Variants in DACH1 observed in about 807,000 individuals in gnomAD.
DACH1 encodes the protein dachshund family transcription factor 1.
DACH1 carries 12 observed loss-of-function variants against 54.2 expected under a neutral mutation model. The ratio of observed to expected loss-of-function variants is 0.22; its 90% CI spans 0.14 to 0.36. DACH1 has a LOEUF of 0.36. Among genes scored for constraint, DACH1 ranks in the 10% least tolerant of loss-of-function variants. The probability of loss-of-function intolerance (pLI) is 1.00; values close to 1 mark genes in which losing one functional copy is unlikely to be tolerated. For synonymous variants in DACH1, 386 were observed against 366.2 expected (o/e 1.05, Z -0.62); for missense variants, 805 against 929.8 (o/e 0.87, Z 1.75).
chr13:71,756,244 A>C (rs144254685), intron 1 of DACH1, among the ~76,000 whole-genome samples: 497 of 151,610 alleles, frequency 3.3e-3, no homozygotes, highest in African/African-American at 0.011. Flanking sequence ...AGGTTCTCAC[A>C]GTGTTAGCCA....
chr13:71,792,511 T>C (rs906524189), intron 1 of DACH1, among the ~76,000 whole-genome samples: 17 of 152,160 alleles, frequency 1.1e-4, no homozygotes, highest in African/African-American at 4.1e-4. Context: ...AGACAATAAA[T>C]TCTGAAAATA....
intron 6 of DACH1, among the ~76,000 whole-genome samples, chr13:71,512,667 T>G (rs1443159555): frequency 4.0e-5 from 6 of 151,898 alleles, no homozygotes. Flanking sequence ...CATATCAAAC[T>G]CCTGTATGAA....
chr13:71,447,540 T>A (rs1874573387), intron 10 of DACH1, among the ~76,000 whole-genome samples: 1 of 152,260 alleles, frequency 6.6e-6, no homozygotes, highest in South Asian at 2.1e-4. Context: ...GTTTGTTTAA[T>A]GCCAATCATA....
At chr13:71,762,221 G>T (rs574117522) in intron 1 of DACH1, among the ~76,000 whole-genome samples, 1 of 152,024 alleles carries the variant, frequency 6.6e-6, no homozygotes, top group Non-Finnish European at 1.5e-5. Context: ...ACTCCCCCAT[G>T]CCAAGCCCAT....
intron 3 of DACH1, among the ~76,000 whole-genome samples, chr13:71,600,221 C>G (rs9919839): frequency 6.6e-6 from 1 of 152,020 alleles, no homozygotes; most frequent in African/African-American, 2.4e-5. Flanking sequence ...AAGACAGTAG[C>G]TTGCCCAAGG....
intron 2 of DACH1, among the ~76,000 whole-genome samples, chr13:71,667,132 A>T (rs1186800030): frequency 6.6e-6 from 1 of 152,194 alleles, no homozygotes; most frequent in Non-Finnish European, 1.5e-5. Context: ...CTGAGAAAAA[A>T]ACAGCAGCAC....
chr13:71,723,246 T>TAA (rs112775403), intron 1 of DACH1, among the ~76,000 whole-genome samples: 6 of 133,514 alleles, frequency 4.5e-5, no homozygotes, highest in Non-Finnish European at 3.4e-5. Context: ...CTACACAAAT[T>TAA]AAAAAAAAAA....
intron 1 of DACH1, among the ~76,000 whole-genome samples, chr13:71,698,355 A>T (rs2138742663): frequency 6.6e-6 from 1 of 152,306 alleles, no homozygotes; most frequent in East Asian, 1.9e-4. Context: ...CAAATATAAA[A>T]TATCATACTT....
chr13:71,669,647 G>A (rs1206246787), intron 2 of DACH1, among the ~76,000 whole-genome samples: 7 of 152,284 alleles, frequency 4.6e-5, no homozygotes, highest in South Asian at 2.1e-4. Flanking sequence ...TGCTGCATTC[G>A]CTTACTATGT....
intron 2 of DACH1, among the ~76,000 whole-genome samples, chr13:71,663,776 T>C (rs1471813018): frequency 6.6e-6 from 1 of 151,974 alleles, no homozygotes. Context: ...AGTTTTTCAG[T>C]TGTTTTAAAA....
At chr13:71,504,975 C>A (rs552752367) in intron 6 of DACH1, among the ~76,000 whole-genome samples, 1 of 152,172 alleles carries the variant, frequency 6.6e-6, no homozygotes, top group Non-Finnish European at 1.5e-5. Context: ...ACAATGAAAT[C>A]AATTAATCTC....
chr13:71,866,128 A>G lies in DACH1; in HGVS notation c.642T>C (p.Ala214=). The G allele has an allele frequency of 6.2e-7, 1 of 1,613,512 alleles. No homozygotes were observed. The highest frequency in any genetic ancestry group is 1.1e-5 in the South Asian group (1 of 91,018). Residue 214 remains alanine, a synonymous_variant, in exon 1 of 11, where the codon GCT becomes GCC. Coordinates refer to ENST00000613252, the MANE Select transcript of DACH1 (RefSeq NM_080759.6). ...CCAAGTGCTTCAGGAACAGGTCGAA[A>G]GCCTGGGGCAGGCAGATCAGCTCGC... The part of the protein sequence containing the change: ...EGCELICLPQ[A]FDLFLKHLVG...
At chr13:71,572,265 A>T (rs921143199) in intron 4 of DACH1, among the ~76,000 whole-genome samples, 2 of 152,166 alleles carry the variant, frequency 1.3e-5, no homozygotes, top group African/African-American at 4.8e-5. Context: ...ACACACACAG[A>T]TACACAGGGA....
At chr13:71,801,688 T>C (rs1887294033) in intron 1 of DACH1, among the ~76,000 whole-genome samples, 1 of 152,128 alleles carries the variant, frequency 6.6e-6, no homozygotes, top group Non-Finnish European at 1.5e-5. Flanking sequence ...GAGCTGCTAA[T>C]ATTTGAACAT....
At chr13:71,682,071 G>A (rs1344807729) in intron 1 of DACH1, among the ~76,000 whole-genome samples, 161 bp from the exon 2 acceptor site, 3 of 152,184 alleles carry the variant, frequency 2.0e-5, no homozygotes, top group Non-Finnish European at 4.4e-5. Context: ...TAGATTACAT[G>A]CTGAATTCAT....
intron 2 of DACH1, among the ~76,000 whole-genome samples, chr13:71,679,560 T>C (rs986452689): frequency 2.0e-5 from 3 of 151,620 alleles, no homozygotes; most frequent in African/African-American, 4.9e-5. Flanking sequence ...GTTTACTAAA[T>C]ACAGAAAAAA....
intron 1 of DACH1, among the ~76,000 whole-genome samples, chr13:71,789,708 T>C (rs1313457143): frequency 6.6e-6 from 1 of 152,132 alleles, no homozygotes; most frequent in East Asian, 1.9e-4. Flanking sequence ...GAGTGAGTGA[T>C]TGTTGTGCAA....
At chr13:71,797,880 C>T (rs1376819599) in intron 1 of DACH1, among the ~76,000 whole-genome samples, 1 of 152,110 alleles carries the variant, frequency 6.6e-6, no homozygotes, top group Non-Finnish European at 1.5e-5. Flanking sequence ...ACTCCAGCAC[C>T]TCCTTCTATA....
chr13:71,555,061 T>C (rs1353565411), intron 6 of DACH1, among the ~76,000 whole-genome samples: 1 of 152,190 alleles, frequency 6.6e-6, no homozygotes, highest in Non-Finnish European at 1.5e-5. Context: ...TTCTCCACCA[T>C]GGTGCTGCAA....
Sources: gnomAD v4.1 joint callset for allele counts (sites outside exome capture counted in the v4.1 genomes callset) on GRCh38, gnomAD v4.1.1 for gene constraint, MANE v1.5 for transcripts, NCBI Gene and HGNC (gene_info 2026-07-23, HGNC 2026-07-21) for gene names.